Variants in PALD1 observed in about 807,000 individuals in gnomAD.
PALD1 encodes phosphatase domain containing paladin 1.
In PALD1, 57 loss-of-function variants were observed where a neutral mutation model predicts 96.0. That is an observed-to-expected ratio of 0.59 (90% CI 0.48 to 0.74). PALD1 has a LOEUF of 0.74. PALD1 is among the 30% of genes least tolerant of loss of function. The pLI, the probability that PALD1 is intolerant of heterozygous loss-of-function variation, is 0.00. For missense variants in PALD1, 1,063 were observed against 1,143.7 expected (o/e 0.93, Z 1.02); for synonymous variants, 464 against 473.6 (o/e 0.98, Z 0.26).
At chr10:70,522,414 G>A (rs769638984) in intron 1 of PALD1, among the ~76,000 whole-genome samples, 12 of 152,174 alleles carry the variant, frequency 7.9e-5, no homozygotes, top group Admixed American at 1.3e-4. Flanking sequence ...GGCCAGGTGC[G>A]TCAGCCCAGC....
intron 1 of PALD1, among the ~76,000 whole-genome samples, chr10:70,518,835 C>A (rs562026743): frequency 3.9e-5 from 6 of 152,342 alleles, no homozygotes; most frequent in Admixed American, 3.9e-4. Context: ...CGACCCCTGC[C>A]CCCTGGCAGA....
chr10:70,530,694 G>A (rs980893011), intron 4 of PALD1, among the ~76,000 whole-genome samples: 9 of 152,164 alleles, frequency 5.9e-5, no homozygotes, highest in Admixed American at 3.3e-4. Context: ...AATTGACCCC[G>A]GAGTTAAGGT....
At chr10:70,525,733 C>T (rs184333341) in intron 1 of PALD1, among the ~76,000 whole-genome samples, 190 bp from the exon 2 acceptor site, 460 of 152,242 alleles carry the variant, frequency 3.0e-3, no homozygotes, top group Non-Finnish European at 4.9e-3. Flanking sequence ...GGTAAAGGGC[C>T]GGGTATAGAG....
intron 7 of PALD1, among the ~76,000 whole-genome samples, chr10:70,533,441 G>A (rs1847039162): frequency 6.6e-6 from 1 of 152,064 alleles, no homozygotes; most frequent in Non-Finnish European, 1.5e-5. Context: ...TTATGGCAGA[G>A]TCCATCACTG....
intron 1 of PALD1, among the ~76,000 whole-genome samples, chr10:70,487,130 A>ATT (rs10669002): frequency 0.12 from 12,702 of 110,332 alleles, 1,422 homozygotes; most frequent in East Asian, 0.37. Context: ...TCTGAGCCCA[A>ATT]TTTTTTTTTT....
rs1430758719 is a variant in PALD1, at chr10:70,532,744, G to A, written c.757G>A (p.Val253Met). 1 of 1,614,184 alleles carries A rather than the reference G, an allele frequency of 6.2e-7. No homozygotes were observed. The highest frequency in any genetic ancestry group is 1.1e-5 in the South Asian group (1 of 91,080). ...GEDDLHVTEE[V>M]YKRPLFLQPT... ...GGACGACTTGCATGTGACGGAGGAG[G>A]TGTACAAGCGGCCCCTCTTCCTGCA... The change falls in exon 6 of 20, where the codon GTG becomes ATG. Residue 253 changes from valine to methionine, a missense_variant. Val to Met is a conservative substitution (Grantham distance 21). Transcript: ENST00000263563.
chr10:70,559,523 G>A (rs1847691223), intron 18 of PALD1, among the ~76,000 whole-genome samples: 1 of 152,178 alleles, frequency 6.6e-6, no homozygotes, highest in Non-Finnish European at 1.5e-5. Flanking sequence ...GGGCGGGAGA[G>A]GTGGCAGGGG....
At chr10:70,525,729 G>C (rs987311601) in intron 1 of PALD1, among the ~76,000 whole-genome samples, 194 bp from the exon 2 acceptor site, 2 of 152,162 alleles carry the variant, frequency 1.3e-5, no homozygotes, top group Non-Finnish European at 2.9e-5. Flanking sequence ...CATCGGTAAA[G>C]GGCCGGGTAT....
intron 4 of PALD1, 114 bp downstream of exon 4, chr10:70,530,182 G>T: frequency 1.1e-6 from 1 of 877,734 alleles, no homozygotes; most frequent in Non-Finnish European, 1.7e-6. Context: ...GGAGAGGTGG[G>T]GTAGTGGCCT....
chr10:70,470,337 G>A, the PALD1 span, among the ~76,000 whole-genome samples: 1 of 152,024 alleles, frequency 6.6e-6, no homozygotes, highest in East Asian at 1.9e-4. Context: ...AATGACAAAT[G>A]TCTTAATTAT....
chr10:70,538,039 C>G, intron 11 of PALD1, 133 bp downstream of exon 11: 1 of 770,298 alleles, frequency 1.3e-6, no homozygotes, highest in South Asian at 1.7e-5. Context: ...AGGAGAGACC[C>G]AGATTCGGGA....
At chr10:70,499,256 C>T (rs1846250786) in intron 1 of PALD1, among the ~76,000 whole-genome samples, 1 of 152,216 alleles carries the variant, frequency 6.6e-6, no homozygotes, top group South Asian at 2.1e-4. Flanking sequence ...CTTCCTTCTT[C>T]AATACCAGGC....
At chr10:70,508,971 C>A (rs1340806495) in intron 1 of PALD1, among the ~76,000 whole-genome samples, 1 of 151,382 alleles carries the variant, frequency 6.6e-6, no homozygotes, top group African/African-American at 2.4e-5. Flanking sequence ...AGTAGGGGAA[C>A]CCTGCAGCAC....
intron 1 of PALD1, among the ~76,000 whole-genome samples, chr10:70,501,839 G>GTGTGTGCGCA (rs1554854872): frequency 1.3e-5 from 2 of 151,418 alleles, no homozygotes; most frequent in East Asian, 3.9e-4. Flanking sequence ...GTGTGTGCGT[G>GTGTGTGCGCA]CGTGCATGCA....
intron 18 of PALD1, 87 bp downstream of exon 18, chr10:70,547,533 G>A: frequency 1.0e-6 from 1 of 987,434 alleles, no homozygotes; most frequent in Admixed American, 2.6e-5. Flanking sequence ...TGGCTTTGGG[G>A]TTGCTAGGGG....
At chr10:70,552,268 T>A (rs1847497390) in intron 18 of PALD1, among the ~76,000 whole-genome samples, 1 of 152,232 alleles carries the variant, frequency 6.6e-6, no homozygotes, top group Non-Finnish European at 1.5e-5. Flanking sequence ...TTCCATGCAG[T>A]GAGTGGAAGT....
chr10:70,522,129 TCA>T (rs1278456180), intron 1 of PALD1, among the ~76,000 whole-genome samples: 1 of 152,164 alleles, frequency 6.6e-6, no homozygotes, highest in Non-Finnish European at 1.5e-5. Flanking sequence ...AATGGGGGTG[TCA>T]CACTGGGGAG....
chr10:70,477,908 C>T (rs960059383), upstream of PALD1, among the ~76,000 whole-genome samples: 1 of 44,488 alleles, frequency 2.2e-5, no homozygotes, highest in African/African-American at 5.1e-5. Flanking sequence ...TATCTCTCCG[C>T]GAGGAAGCAC....
chr10:70,493,922 C>G (rs1035441753), intron 1 of PALD1, among the ~76,000 whole-genome samples: 2 of 152,200 alleles, frequency 1.3e-5, no homozygotes, highest in African/African-American at 4.8e-5. Flanking sequence ...ACTTAAAACT[C>G]AGGTCAGAGC....
Sources: allele counts gnomAD v4.1 joint callset (sites outside exome capture counted in the v4.1 genomes callset), GRCh38; gene constraint gnomAD v4.1.1; transcripts MANE v1.5; gene names NCBI Gene and HGNC (gene_info 2026-07-23, HGNC 2026-07-21).